Variants in MACROD2 observed in about 807,000 individuals in gnomAD.
MACROD2 encodes the protein ADP-ribose glycohydrolase MACROD2.
In MACROD2, 36 loss-of-function variants were observed where a neutral mutation model predicts 70.4. The observed-to-expected ratio is 0.51, with a 90% confidence interval of 0.39 to 0.68. The LOEUF (loss-of-function observed/expected upper bound fraction) is 0.68, where lower values mean the gene tolerates loss of function less well. Among genes scored for constraint, MACROD2 ranks in the 30% least tolerant of loss-of-function variants. The pLI, the probability that MACROD2 is intolerant of heterozygous loss-of-function variation, is 0.00. For synonymous variants in MACROD2, 172 were observed against 178.8 expected, an observed-to-expected ratio of 0.96 and a Z score of 0.30; for missense variants, 496 against 538.4, an observed-to-expected ratio of 0.92 and a Z score of 0.78.
chr20:14,252,505 A>C (rs1033763130), intron 3 of MACROD2, among the ~76,000 whole-genome samples: 1 of 151,786 alleles, frequency 6.6e-6, no homozygotes. Flanking sequence ...ATATTCACAT[A>C]TTCTATGTAT....
intron 5 of MACROD2, among the ~76,000 whole-genome samples, chr20:14,827,058 T>C (rs2072910098): frequency 6.6e-6 from 1 of 152,108 alleles, no homozygotes; most frequent in Non-Finnish European, 1.5e-5. Context: ...GGCTTTGTTA[T>C]GATGTCAGGG....
At chr20:14,602,831 C>T (rs906415793) in intron 4 of MACROD2, among the ~76,000 whole-genome samples, 3 of 152,156 alleles carry the variant, frequency 2.0e-5, no homozygotes, top group Non-Finnish European at 4.4e-5. Flanking sequence ...ATTTAATTAA[C>T]AAAGGGCCTG....
intron 9 of MACROD2, among the ~76,000 whole-genome samples, chr20:15,875,677 T>C (rs962453190): frequency 2.6e-5 from 4 of 151,836 alleles, no homozygotes; most frequent in African/African-American, 9.7e-5. Context: ...GAGTGTGCAG[T>C]GAGTGTAGCA....
intron 5 of MACROD2, among the ~76,000 whole-genome samples, chr20:15,093,521 T>C (rs2075807295): frequency 6.6e-6 from 1 of 152,238 alleles, no homozygotes; most frequent in African/African-American, 2.4e-5. Flanking sequence ...GCTTGGTCCG[T>C]TGTGAAAAGG....
chr20:14,037,498 T>C (rs2053328889), intron 2 of MACROD2, among the ~76,000 whole-genome samples: 1 of 152,214 alleles, frequency 6.6e-6, no homozygotes, highest in Admixed American at 6.5e-5. Context: ...CGTGAAAATA[T>C]TTATTTGGTA....
chr20:14,142,831 A>G (rs2054895021), intron 3 of MACROD2, among the ~76,000 whole-genome samples: 1 of 152,182 alleles, frequency 6.6e-6, no homozygotes, highest in South Asian at 2.1e-4. Context: ...AATAAATGTT[A>G]TCTGAGATTC....
chr20:14,578,097 G>C (rs1980734347), intron 4 of MACROD2, among the ~76,000 whole-genome samples: 1 of 151,492 alleles, frequency 6.6e-6, no homozygotes, highest in Non-Finnish European at 1.5e-5. Context: ...AAATGGTATG[G>C]AACTTTAAAG....
chr20:15,198,442 C>T (rs1254678303), intron 5 of MACROD2, among the ~76,000 whole-genome samples: 1 of 152,166 alleles, frequency 6.6e-6, no homozygotes, highest in African/African-American at 2.4e-5. Context: ...CATAAATTTA[C>T]TGCTCAGAGA....
At chr20:14,099,457 G>T (rs2054269865) in intron 3 of MACROD2, among the ~76,000 whole-genome samples, 1 of 151,986 alleles carries the variant, frequency 6.6e-6, no homozygotes, top group African/African-American at 2.4e-5. Context: ...GGCTGTTTTT[G>T]TTCACTATTA....
At chr20:15,597,086 T>C (rs2146679940) in intron 8 of MACROD2, among the ~76,000 whole-genome samples, 1 of 152,324 alleles carries the variant, frequency 6.6e-6, no homozygotes, top group South Asian at 2.1e-4. Context: ...AAGTTGTTTT[T>C]ATGTTTTTAT....
intron 12 of MACROD2, among the ~76,000 whole-genome samples, chr20:15,956,679 C>T (rs557391715): frequency 2.0e-5 from 3 of 152,142 alleles, no homozygotes; most frequent in Non-Finnish European, 4.4e-5. Context: ...CATCTGGGAA[C>T]TTGTTAGACA....
intron 3 of MACROD2, among the ~76,000 whole-genome samples, chr20:14,429,524 G>T (rs888192495): frequency 6.6e-6 from 1 of 152,142 alleles, no homozygotes. Context: ...AGGAGAAATT[G>T]CCTTAAACAT....
At chr20:14,228,438 C>T (rs144957921) in intron 3 of MACROD2, among the ~76,000 whole-genome samples, 25,744 of 150,868 alleles carry the variant, frequency 0.17, 3,269 homozygotes, top group African/African-American at 0.35. Context: ...CCCGGGTTCA[C>T]GCCATTCTCC....
intron 5 of MACROD2, among the ~76,000 whole-genome samples, chr20:15,087,648 G>A (rs1401185577): frequency 1.3e-5 from 2 of 151,948 alleles, no homozygotes; most frequent in Admixed American, 1.3e-4. Flanking sequence ...TTTGCGGTAG[G>A]AGAGGACTTA....
intron 3 of MACROD2, among the ~76,000 whole-genome samples, chr20:14,410,147 G>C (rs1425791895): frequency 6.6e-6 from 1 of 151,574 alleles, no homozygotes; most frequent in Non-Finnish European, 1.5e-5. Flanking sequence ...TCAAACTGTA[G>C]CATGCTTAAG....
At chr20:15,580,392 C>G (rs1009237003) in intron 8 of MACROD2, among the ~76,000 whole-genome samples, 1 of 152,158 alleles carries the variant, frequency 6.6e-6, no homozygotes, top group Non-Finnish European at 1.5e-5. Flanking sequence ...CTGGGATCAT[C>G]TGTGTGCCCC....
chr20:15,928,743 T>C (rs528939240), intron 10 of MACROD2, among the ~76,000 whole-genome samples: 129 of 152,386 alleles, frequency 8.5e-4, no homozygotes, highest in African/African-American at 2.8e-3. Context: ...TAATATTCTG[T>C]TGCTCATAGA....
Position 15,870,719 on chromosome 20 carries a change from C to T in MACROD2, c.727+7893C>T, listed in dbSNP as rs2064568144. ...TGAGCCAATACATTTCTGTTCATTACGTATTACCTAGTCTGGGGTAGTCTG... is the reference window on the plus strand; with the variant it reads ...TGAGCCAATACATTTCTGTTCATTATGTATTACCTAGTCTGGGGTAGTCTG... On this transcript the variant is annotated intron_variant, in intron 9 of 17. Transcript: ENST00000684519. 2.0e-5 allele frequency among the ~76,000 whole-genome samples: 3 copies of T among 152,236 alleles called. No homozygotes were observed. The South Asian group carries it at 6.2e-4, about 32-fold the overall frequency.
chr20:14,689,011 A>G (rs2071033295), intron 5 of MACROD2, among the ~76,000 whole-genome samples: 1 of 152,214 alleles, frequency 6.6e-6, no homozygotes, highest in Admixed American at 6.5e-5. Context: ...AAAATTGTCT[A>G]CAATGCTCTA....
Sources: gnomAD v4.1 joint callset for allele counts (sites outside exome capture counted in the v4.1 genomes callset) on GRCh38, gnomAD v4.1.1 for gene constraint, MANE v1.5 for transcripts, NCBI Gene and HGNC (gene_info 2026-07-23, HGNC 2026-07-21) for gene names.